Variants in C2orf76 observed in about 807,000 individuals in gnomAD.
C2orf76 encodes chromosome 2 open reading frame 76, also known as UPF0538 protein C2orf76.
In C2orf76, 23 loss-of-function variants were observed where a neutral mutation model predicts 16.9. That is an observed-to-expected ratio of 1.36 (90% CI 0.98 to 1.93). The LOEUF is 1.93. C2orf76 is among the 30% of genes most tolerant of loss of function. The probability of loss-of-function intolerance (pLI) is 0.00; values close to 1 mark genes in which losing one functional copy is unlikely to be tolerated. For synonymous variants in C2orf76, 48 were observed against 52.3 expected (o/e 0.92, Z 0.35); for missense variants, 152 against 152.6 (o/e 1.00, Z 0.02).
the C2orf76 span, among the ~76,000 whole-genome samples, chr2:119,293,766 G>A: frequency 2.6e-5 from 4 of 152,300 alleles, no homozygotes; most frequent in Non-Finnish European, 5.9e-5. Flanking sequence ...GCCTGGCTGT[G>A]GGGGTAAAAG....
chr2:119,328,946 T>C (rs892805663), intron 2 of C2orf76, among the ~76,000 whole-genome samples: 8 of 152,198 alleles, frequency 5.3e-5, no homozygotes, highest in Non-Finnish European at 1.5e-5. Flanking sequence ...GGCCAGAAAA[T>C]AGACACTGTC....
At chr2:119,354,343 A>G (rs933445035) in intron 1 of C2orf76, among the ~76,000 whole-genome samples, 5 of 152,188 alleles carry the variant, frequency 3.3e-5, no homozygotes, top group African/African-American at 1.2e-4. Context: ...CAACATGGTG[A>G]AACCCCGTCT....
chr2:119,300,329 C>G (rs1678597853), downstream of C2orf76, among the ~76,000 whole-genome samples: 1 of 152,206 alleles, frequency 6.6e-6, no homozygotes, highest in South Asian at 2.1e-4. Context: ...GCCTTCCAAA[C>G]TTCACCTGCT....
the C2orf76 span, among the ~76,000 whole-genome samples, chr2:119,291,840 A>G: frequency 6.6e-6 from 1 of 152,056 alleles, no homozygotes; most frequent in South Asian, 2.1e-4. Context: ...CCCCAAAACA[A>G]TATGTTTAGT....
At chr2:119,307,916 G>A (rs1168232320) in intron 5 of C2orf76, among the ~76,000 whole-genome samples, 1 of 152,154 alleles carries the variant, frequency 6.6e-6, no homozygotes, top group Non-Finnish European at 1.5e-5. Context: ...TCCAAACAAA[G>A]CAGTTGTTCC....
intron 2 of C2orf76, among the ~76,000 whole-genome samples, chr2:119,330,088 T>C (rs1409393929): frequency 6.6e-6 from 1 of 152,082 alleles, no homozygotes; most frequent in African/African-American, 2.4e-5. Context: ...AAGAAGTTAC[T>C]CCAGGCCAGA....
At chr2:119,327,070 T>C (rs952461386) in intron 2 of C2orf76, among the ~76,000 whole-genome samples, 2 of 152,194 alleles carry the variant, frequency 1.3e-5, no homozygotes, top group Admixed American at 1.3e-4. Flanking sequence ...CTTAATGAAC[T>C]GGCTAGAACT....
chr2:119,311,703 T>C lies in C2orf76; in HGVS notation c.223A>G (p.Thr75Ala), dbSNP rs755156305. 1.9e-6 allele frequency: 3 copies of C among 1,589,730 alleles called. No individual in the cohort carries two copies. Among genetic ancestry groups the C allele is most frequent in the Non-Finnish European group, 2.5e-6 (3 of 1,176,614 alleles). Residue 75 changes from threonine to alanine, a missense_variant and splice_region_variant, in exon 5 of 6, where the codon ACA becomes GCA. Thr to Ala is a moderately conservative substitution (Grantham distance 58, BLOSUM62 0). Transcript: ENST00000334816. ...KIIHQAHKSK[T>A]NELVLSLEDD... ...TCCAAACTCAACACAAGTTCATTTG[T>C]CTAAAAAAAAAAAAGAAAATCTGCA...
chr2:119,358,325 C>A (rs905602789), intron 1 of C2orf76, among the ~76,000 whole-genome samples: 1 of 98,880 alleles, frequency 1.0e-5, no homozygotes, highest in Non-Finnish European at 2.4e-5. Flanking sequence ...GCCTGTAATC[C>A]CATCATTTTG....
At chr2:119,291,401 G>A in the C2orf76 span, among the ~76,000 whole-genome samples, 1 of 151,764 alleles carries the variant, frequency 6.6e-6, no homozygotes, top group Non-Finnish European at 1.5e-5. Context: ...GAAAGGGACG[G>A]CTTTATCCTT....
intron 5 of C2orf76, among the ~76,000 whole-genome samples, chr2:119,307,847 C>T (rs1010444094): frequency 2.6e-5 from 4 of 152,184 alleles, no homozygotes; most frequent in Non-Finnish European, 5.9e-5. Context: ...CACAACAAGA[C>T]CAACAACTCA....
chr2:119,295,290 G>A, the C2orf76 span, among the ~76,000 whole-genome samples: 1 of 152,184 alleles, frequency 6.6e-6, no homozygotes, highest in Non-Finnish European at 1.5e-5. Flanking sequence ...CACAGGGCCT[G>A]CAGGTGTCGG....
chr2:119,346,358 TGTA>T (rs1558793627), intron 1 of C2orf76, among the ~76,000 whole-genome samples: 1 of 152,208 alleles, frequency 6.6e-6, no homozygotes, highest in Non-Finnish European at 1.5e-5. Flanking sequence ...CATATCCATG[TGTA>T]ATGCCCCAAA....
At chr2:119,299,280 T>G (rs991614217), downstream of C2orf76, among the ~76,000 whole-genome samples, 2 of 152,242 alleles carry the variant, frequency 1.3e-5, no homozygotes, top group African/African-American at 4.8e-5. Flanking sequence ...AGGTTTTCTA[T>G]GAGCAAACTT....
At chr2:119,281,912 C>T in the C2orf76 span, among the ~76,000 whole-genome samples, 8 of 152,086 alleles carry the variant, frequency 5.3e-5, no homozygotes, top group Admixed American at 3.9e-4. Flanking sequence ...CTGCGCTACC[C>T]ACCCTCAACC....
At chr2:119,354,560 T>C (rs1371825541) in intron 1 of C2orf76, among the ~76,000 whole-genome samples, 1 of 152,186 alleles carries the variant, frequency 6.6e-6, no homozygotes, top group Non-Finnish European at 1.5e-5. Context: ...CCTACATTTA[T>C]AAACTAGGAC....
chr2:119,288,798 G>C, the C2orf76 span, among the ~76,000 whole-genome samples: 1 of 151,950 alleles, frequency 6.6e-6, no homozygotes, highest in Admixed American at 6.6e-5. Context: ...CTTAGGGTCA[G>C]CTATTCCCCT....
chr2:119,289,556 C>T, the C2orf76 span, among the ~76,000 whole-genome samples: 20 of 151,554 alleles, frequency 1.3e-4, no homozygotes, highest in Middle Eastern at 3.4e-3. Context: ...CGTGGTGGCA[C>T]GCGCCTATAG....
intron 3 of C2orf76, among the ~76,000 whole-genome samples, chr2:119,319,579 T>C (rs1016334751): frequency 1.3e-5 from 2 of 152,218 alleles, no homozygotes; most frequent in Non-Finnish European, 2.9e-5. Context: ...GCCCACACTG[T>C]ACAACAACTA....
Sources: gnomAD v4.1 joint callset for allele counts (sites outside exome capture counted in the v4.1 genomes callset) on GRCh38, gnomAD v4.1.1 for gene constraint, MANE v1.5 for transcripts, NCBI Gene and HGNC (gene_info 2026-07-23, HGNC 2026-07-21) for gene names.